Variants in TMEFF2 observed in about 807,000 individuals in gnomAD.
TMEFF2 encodes transmembrane protein with EGF like and two follistatin like domains 2.
Under a neutral mutation model 53.8 loss-of-function variants are expected in TMEFF2, and 28 were observed. The observed-to-expected ratio is 0.52, with a 90% CI of 0.39 to 0.71. The LOEUF is 0.71. Ranked by LOEUF, TMEFF2 falls within the 30% of genes least tolerant of loss-of-function variation. The pLI, the probability that TMEFF2 is intolerant of heterozygous loss-of-function variation, is 0.00. For synonymous variants in TMEFF2, 162 were observed against 166.3 expected, an observed-to-expected ratio of 0.97 and a Z score of 0.20; for missense variants, 353 against 455.2, an observed-to-expected ratio of 0.78 and a Z score of 2.04.
intron 7 of TMEFF2, among the ~76,000 whole-genome samples, chr2:191,978,099 G>A (rs1332413316): frequency 6.6e-6 from 1 of 152,004 alleles, no homozygotes; most frequent in Non-Finnish European, 1.5e-5. Context: ...TCCTGAACAT[G>A]TTCTTTTGAT....
At chr2:192,046,603 G>A (rs976911734) in intron 5 of TMEFF2, among the ~76,000 whole-genome samples, 13 of 152,052 alleles carry the variant, frequency 8.5e-5, no homozygotes, top group Non-Finnish European at 1.5e-4. Context: ...AAAATTTTTT[G>A]CTTCCTATTC....
intron 7 of TMEFF2, 64 bp from the exon 8 acceptor site, chr2:191,956,442 C>T (rs1692098440): frequency 6.5e-7 from 1 of 1,527,412 alleles, no homozygotes; most frequent in African/African-American, 1.4e-5. Flanking sequence ...TCAACCAGTA[C>T]ATTAAGAAGC....
intron 7 of TMEFF2, among the ~76,000 whole-genome samples, chr2:191,977,245 C>G (rs1286161831): frequency 6.6e-6 from 1 of 152,148 alleles, no homozygotes; most frequent in Non-Finnish European, 1.5e-5. Flanking sequence ...ACTAGTTGTG[C>G]CTGGAGCAGG....
intron 5 of TMEFF2, among the ~76,000 whole-genome samples, chr2:192,041,967 G>C (rs1328911878): frequency 6.6e-6 from 1 of 152,030 alleles, no homozygotes; most frequent in African/African-American, 2.4e-5. Flanking sequence ...CCCATGGGCT[G>C]GGGGAGGTGG....
intron 4 of TMEFF2, among the ~76,000 whole-genome samples, chr2:192,145,575 A>G (rs938867978): frequency 3.3e-5 from 5 of 151,986 alleles, no homozygotes; most frequent in Non-Finnish European, 5.9e-5. Flanking sequence ...CAAAGCATTC[A>G]TCTTAAATAA....
At chr2:192,191,691 C>T (rs780982389) in intron 2 of TMEFF2, among the ~76,000 whole-genome samples, 189 bp downstream of exon 2, 1 of 152,116 alleles carries the variant, frequency 6.6e-6, no homozygotes, top group Non-Finnish European at 1.5e-5. Context: ...ATAACTTTGG[C>T]ATATACATTT....
At chr2:192,053,522 G>A (rs539920904) in intron 5 of TMEFF2, among the ~76,000 whole-genome samples, 21 of 152,274 alleles carry the variant, frequency 1.4e-4, no homozygotes, top group Admixed American at 5.2e-4. Context: ...ATTATTTCAC[G>A]TCAGCAGTTA....
At chr2:192,019,062 T>C (rs1006670200) in intron 5 of TMEFF2, among the ~76,000 whole-genome samples, 1 of 152,082 alleles carries the variant, frequency 6.6e-6, no homozygotes, top group African/African-American at 2.4e-5. Context: ...TTTGTACATA[T>C]CTATTATAAA....
chr2:192,061,000 C>T (rs1018310327), intron 4 of TMEFF2, among the ~76,000 whole-genome samples: 7 of 152,160 alleles, frequency 4.6e-5, no homozygotes, highest in South Asian at 4.1e-4. Context: ...GGTTTGGAAT[C>T]GGAGGGATTA....
At chr2:192,044,765 G>A (rs1297739077) in intron 5 of TMEFF2, among the ~76,000 whole-genome samples, 1 of 152,132 alleles carries the variant, frequency 6.6e-6, no homozygotes, top group Non-Finnish European at 1.5e-5. Flanking sequence ...ATCTTCTGTG[G>A]ATAACTACTC....
intron 5 of TMEFF2, among the ~76,000 whole-genome samples, chr2:192,026,904 G>T (rs1185074249): frequency 3.3e-5 from 5 of 152,186 alleles, no homozygotes; most frequent in African/African-American, 1.2e-4. Context: ...CACAATGCCT[G>T]ACCACATGTG....
At chr2:191,973,436 C>T (rs553357013) in intron 7 of TMEFF2, among the ~76,000 whole-genome samples, 2 of 151,994 alleles carry the variant, frequency 1.3e-5, no homozygotes, top group Non-Finnish European at 2.9e-5. Flanking sequence ...TACACATACA[C>T]GCACATGCAT....
chr2:191,985,163 T>G (rs948595078), intron 7 of TMEFF2, among the ~76,000 whole-genome samples: 1 of 152,016 alleles, frequency 6.6e-6, no homozygotes, highest in African/African-American at 2.4e-5. Context: ...GTGAGTTATA[T>G]CTCACAAAGG....
chr2:192,122,553 G>A (rs977056642), intron 4 of TMEFF2, among the ~76,000 whole-genome samples: 2 of 152,124 alleles, frequency 1.3e-5, no homozygotes, highest in African/African-American at 2.4e-5. Flanking sequence ...TAAATATGGT[G>A]TATGGTACTG....
At chr2:192,081,121 C>G (rs914287872) in intron 4 of TMEFF2, among the ~76,000 whole-genome samples, 4 of 152,046 alleles carry the variant, frequency 2.6e-5, no homozygotes, top group African/African-American at 9.7e-5. Context: ...AGGGACTATC[C>G]AAAACACACA....
At chr2:192,114,816 G>A (rs1275857698) in intron 4 of TMEFF2, among the ~76,000 whole-genome samples, 1 of 151,844 alleles carries the variant, frequency 6.6e-6, no homozygotes, top group Non-Finnish European at 1.5e-5. Context: ...GTGTCAAAAT[G>A]TCAATACTAC....
intron 4 of TMEFF2, among the ~76,000 whole-genome samples, chr2:192,148,747 G>A (rs1690313673): frequency 6.6e-6 from 1 of 151,980 alleles, no homozygotes; most frequent in South Asian, 2.1e-4. Flanking sequence ...GTTACACAAA[G>A]CATCTGCTGG....
chr2:191,965,127 C>G (rs1692433324), intron 7 of TMEFF2, among the ~76,000 whole-genome samples: 1 of 152,004 alleles, frequency 6.6e-6, no homozygotes, highest in Admixed American at 6.6e-5. Context: ...ATTAGTCAGC[C>G]CAGATCAACT....
chr2:192,017,395 G>A (rs1260067065), intron 5 of TMEFF2, among the ~76,000 whole-genome samples: 1 of 152,174 alleles, frequency 6.6e-6, no homozygotes, highest in Non-Finnish European at 1.5e-5. Flanking sequence ...AGGAGGAATA[G>A]GAATCGATTG....
Sources: gnomAD v4.1 joint callset for allele counts (sites outside exome capture counted in the v4.1 genomes callset) on GRCh38, gnomAD v4.1.1 for gene constraint, MANE v1.5 for transcripts, NCBI Gene and HGNC (gene_info 2026-07-23, HGNC 2026-07-21) for gene names.